ASIC2: variants seen among roughly 807,000 people sequenced by gnomAD.
ASIC2 encodes the protein acid sensing ion channel subunit 2.
In ASIC2, 25 loss-of-function variants were observed where a neutral mutation model predicts 57.3. That is an observed-to-expected ratio of 0.44 (90% CI 0.32 to 0.61). ASIC2 has a LOEUF of 0.61. ASIC2 is among the 20% of genes least tolerant of loss of function. ASIC2 has a pLI of 0.06. For synonymous variants in ASIC2, 319 were observed against 307.5 expected (o/e 1.04, Z -0.39); for missense variants, 641 against 738.1 (o/e 0.87, Z 1.52).
chr17:34,034,192 C>A (rs2142039830), intron 1 of ASIC2, among the ~76,000 whole-genome samples: 1 of 152,294 alleles, frequency 6.6e-6, no homozygotes, highest in Admixed American at 6.5e-5. Context: ...CCCTGGAATG[C>A]AAGGCTGGTT....
intron 1 of ASIC2, among the ~76,000 whole-genome samples, chr17:33,608,815 T>G (rs1228624113): frequency 6.6e-6 from 1 of 152,172 alleles, no homozygotes; most frequent in African/African-American, 2.4e-5. Context: ...CATTCGTTCT[T>G]CCTATACCTT....
chr17:33,066,449 G>A (rs2092043914), intron 3 of ASIC2, among the ~76,000 whole-genome samples: 1 of 152,170 alleles, frequency 6.6e-6, no homozygotes, highest in African/African-American at 2.4e-5. Context: ...CCTGGTGCTA[G>A]GCTTAGGCTG....
intron 1 of ASIC2, among the ~76,000 whole-genome samples, chr17:34,095,846 A>G (rs1432340382): frequency 2.0e-5 from 3 of 150,998 alleles, no homozygotes; most frequent in African/African-American, 7.3e-5. Flanking sequence ...GAGGAGAGAA[A>G]GGAAACTGAT....
chr17:33,118,489 A>T (rs1162466784), intron 1 of ASIC2, among the ~76,000 whole-genome samples: 4 of 152,162 alleles, frequency 2.6e-5, no homozygotes, highest in Admixed American at 2.6e-4. Flanking sequence ...CCCATCCCTC[A>T]TAGCCACGGC....
chr17:33,637,050 C>T (rs777328706), intron 1 of ASIC2, among the ~76,000 whole-genome samples: 1 of 152,090 alleles, frequency 6.6e-6, no homozygotes, highest in African/African-American at 2.4e-5. Context: ...TCTTCCCTCT[C>T]TTCTTTCTCT....
intron 1 of ASIC2, among the ~76,000 whole-genome samples, chr17:34,047,333 C>T (rs931778916): frequency 1.3e-5 from 2 of 151,990 alleles, no homozygotes; most frequent in African/African-American, 4.8e-5. Context: ...ATGAAGCCTA[C>T]AGATTCCTAC....
chr17:33,989,948 G>T (rs759962731), intron 1 of ASIC2, among the ~76,000 whole-genome samples: 1 of 152,154 alleles, frequency 6.6e-6, no homozygotes, highest in African/African-American at 2.4e-5. Flanking sequence ...AGGCACTTCC[G>T]GTGATATTGA....
intron 3 of ASIC2, among the ~76,000 whole-genome samples, chr17:33,057,401 G>T (rs890762170): frequency 9.2e-5 from 14 of 152,206 alleles, no homozygotes; most frequent in African/African-American, 3.1e-4. Flanking sequence ...TAAATCAAGG[G>T]GAAGGACTTG....
chr17:33,253,214 G>A (rs1019260011), intron 1 of ASIC2, among the ~76,000 whole-genome samples: 5 of 152,202 alleles, frequency 3.3e-5, no homozygotes, highest in African/African-American at 1.2e-4. Context: ...GAGTTCAAAT[G>A]CAGGTCCACA....
At chr17:34,051,348 C>T (rs1908548104) in intron 1 of ASIC2, among the ~76,000 whole-genome samples, 1 of 152,184 alleles carries the variant, frequency 6.6e-6, no homozygotes, top group Admixed American at 6.5e-5. Flanking sequence ...TCTCGGAACA[C>T]TTGGGTGGGT....
At chr17:33,282,477 T>C (rs61582665) in intron 1 of ASIC2, among the ~76,000 whole-genome samples, 4 of 144,700 alleles carry the variant, frequency 2.8e-5, no homozygotes, top group Non-Finnish European at 4.7e-5. Flanking sequence ...GTGTGTGTGC[T>C]TGTGTGTGTG....
At chr17:33,980,782 T>C (rs1905587030) in intron 1 of ASIC2, 1 of 152,196 alleles carries the variant, frequency 6.6e-6, no homozygotes, top group Admixed American at 6.5e-5. Context: ...TGGAAAGACA[T>C]TGAGGCCTGA....
At chr17:33,576,523 T>C (rs537905678) in intron 1 of ASIC2, among the ~76,000 whole-genome samples, 1 of 152,312 alleles carries the variant, frequency 6.6e-6, no homozygotes, top group South Asian at 2.1e-4. Context: ...GTACAAGTTC[T>C]AGAGCCAGAT....
At chr17:33,541,575 C>T (rs1365148997) in intron 1 of ASIC2, among the ~76,000 whole-genome samples, 1 of 152,182 alleles carries the variant, frequency 6.6e-6, no homozygotes, top group Non-Finnish European at 1.5e-5. Flanking sequence ...AACGGAAACT[C>T]AGGCCATTGT....
At chr17:33,368,221 A>T (rs1567837885) in intron 1 of ASIC2, among the ~76,000 whole-genome samples, 2 of 152,208 alleles carry the variant, frequency 1.3e-5, no homozygotes, top group Non-Finnish European at 2.9e-5. Flanking sequence ...AATGGTTTCC[A>T]CCTGGTGTCA....
chr17:33,962,586 T>C (rs1904959432), intron 1 of ASIC2, among the ~76,000 whole-genome samples: 1 of 152,152 alleles, frequency 6.6e-6, no homozygotes, highest in Non-Finnish European at 1.5e-5. Flanking sequence ...GGGTCAGGAA[T>C]GAAGTGCTCA....
At chr17:33,460,756 C>A (rs959807226) in intron 1 of ASIC2, among the ~76,000 whole-genome samples, 1 of 152,234 alleles carries the variant, frequency 6.6e-6, no homozygotes, top group African/African-American at 2.4e-5. Context: ...GTTATAAATC[C>A]ATTTTACAGG....
Position 33,042,036 on chromosome 17 carries a change from T to C in ASIC2, c.988-13644A>G, listed in dbSNP as rs186000637. On this transcript the variant is annotated intron_variant, in intron 3 of 9. Transcript: ENST00000225823. ...GTTGGAGGGCAAATCAGAGCCTGCTTTTTGAGCCATAATGTTCAGTTTGAT... is the reference window on the plus strand; with the variant it reads ...GTTGGAGGGCAAATCAGAGCCTGCTCTTTGAGCCATAATGTTCAGTTTGAT... Among the ~76,000 whole-genome samples the C allele has an allele frequency of 4.8e-3, 738 of 152,352 alleles. 5 individuals are homozygous for C. Among genetic ancestry groups the C allele is most frequent in the Middle Eastern group, 0.02 (6 of 294 alleles).
intron 1 of ASIC2, among the ~76,000 whole-genome samples, chr17:33,711,529 T>C (rs1372825042): frequency 6.6e-6 from 1 of 152,192 alleles, no homozygotes; most frequent in Non-Finnish European, 1.5e-5. Context: ...CTCACACTGC[T>C]ATAAAGAACC....
Sources: allele counts gnomAD v4.1 joint callset (sites outside exome capture counted in the v4.1 genomes callset), GRCh38; gene constraint gnomAD v4.1.1; transcripts MANE v1.5; gene names NCBI Gene and HGNC (gene_info 2026-07-23, HGNC 2026-07-21).